The following NREP variants were observed in gnomAD, a reference collection of about 807,000 sequenced individuals.
The protein encoded by NREP is neuronal regeneration-related protein.
In NREP, 5 loss-of-function variants were observed where a neutral mutation model predicts 8.6. The observed-to-expected ratio is 0.58, with a 90% CI of 0.30 to 1.22. NREP has a LOEUF of 1.22. Ranked by LOEUF, NREP falls within the 50% of genes most tolerant of loss-of-function variation. The probability of loss-of-function intolerance (pLI) is 0.07; values close to 1 mark genes in which losing one functional copy is unlikely to be tolerated. For missense variants in NREP, 86 were observed against 82.5 expected, an observed-to-expected ratio of 1.04 and a Z score of -0.17; for synonymous variants, 27 against 28.0, an observed-to-expected ratio of 0.96 and a Z score of 0.11.
At chr5:111,919,952 G>A (rs1418091846) in intron 2 of NREP, among the ~76,000 whole-genome samples, 1 of 131,700 alleles carries the variant, frequency 7.6e-6, no homozygotes, top group Non-Finnish European at 1.6e-5. Flanking sequence ...TAAAAGAACT[G>A]AATTAATTAA....
At chr5:111,843,278 T>A (rs552051352) in intron 2 of NREP, among the ~76,000 whole-genome samples, 1 of 151,982 alleles carries the variant, frequency 6.6e-6, no homozygotes, top group Non-Finnish European at 1.5e-5. Context: ...TTAAATGTCC[T>A]TTCTTCAAGC....
chr5:111,844,806 A>G lies in NREP; in HGVS notation c.136-109299T>C, dbSNP rs73789549. Among the ~76,000 whole-genome samples, 1,483 of 150,750 alleles carry G rather than the reference A, an allele frequency of 9.8e-3. 9 individuals are homozygous for G. Among genetic ancestry groups the G allele is most frequent in the Middle Eastern group, 0.046 (13 of 280 alleles). On this transcript the variant is annotated intron_variant, in intron 2 of 3. Transcript: ENST00000395634. The stretch of plus-strand genomic sequence containing the variant: ...ATGTTTCTGGAGATAAAATACCCCA[A>G]TAATTCCTAACAAGGGCTATGTGCA...
intron 2 of NREP, among the ~76,000 whole-genome samples, chr5:111,895,758 C>T (rs1235420835): frequency 1.3e-5 from 2 of 152,126 alleles, no homozygotes; most frequent in Non-Finnish European, 2.9e-5. Context: ...GCCAGTAGCA[C>T]GTCCCAGTCA....
chr5:111,883,625 C>T (rs1754148514), intron 2 of NREP, among the ~76,000 whole-genome samples: 1 of 152,198 alleles, frequency 6.6e-6, no homozygotes, highest in African/African-American at 2.4e-5. Flanking sequence ...CAAACTGTCT[C>T]TCAGACCACA....
chr5:111,829,324 G>A (rs1225401073), intron 2 of NREP, among the ~76,000 whole-genome samples: 1 of 152,182 alleles, frequency 6.6e-6, no homozygotes, highest in East Asian at 1.9e-4. Context: ...AACTCTGGCA[G>A]CCACATGGAG....
chr5:111,841,993 A>T (rs1351705338), intron 2 of NREP, among the ~76,000 whole-genome samples: 1 of 152,034 alleles, frequency 6.6e-6, no homozygotes, highest in Non-Finnish European at 1.5e-5. Context: ...CTCTGGTGTG[A>T]TTGTATTTTT....
At chr5:111,959,118 G>A (rs1581251936) in intron 2 of NREP, among the ~76,000 whole-genome samples, 1 of 151,854 alleles carries the variant, frequency 6.6e-6, no homozygotes, top group Admixed American at 6.6e-5. Flanking sequence ...CATGAGTTAG[G>A]GTGGGAAAGG....
chr5:111,755,980 AAG>A lies in NREP; in HGVS notation c.-58-152_-58-151del. On this transcript the variant is annotated intron_variant, in intron 1 of 3. Coordinates refer to ENST00000257435, the MANE Select transcript of NREP (RefSeq NM_004772.4). ...TATTGTTAACTACTGGGATTTCTGA[AAG>A]AGCTTTCCAAGTGGCCTATAGGCTT... 3.5e-6 allele frequency: 5 copies of A among 1,430,390 alleles called. No individual in the cohort carries two copies. The South Asian group carries it at 7.4e-5, about 21-fold the overall frequency. 88.6% of individuals were successfully genotyped at this position (1,430,390 alleles called of 1,614,324 possible).
At chr5:111,748,288 G>GA (rs35566814) in intron 2 of NREP, among the ~76,000 whole-genome samples, 20 of 152,202 alleles carry the variant, frequency 1.3e-4, no homozygotes, top group Non-Finnish European at 1.3e-4. Context: ...AATGTTCACT[G>GA]AAAGCCTCTT....
chr5:111,756,230 G>A, intron 1 of NREP: 2 of 989,896 alleles, frequency 2.0e-6, no homozygotes, highest in Non-Finnish European at 1.2e-6. Context: ...GCCTTCCACC[G>A]TGTAGTGTAA....
chr5:111,879,827 A>G (rs1561706826), intron 2 of NREP, among the ~76,000 whole-genome samples: 1 of 152,040 alleles, frequency 6.6e-6, no homozygotes, highest in Admixed American at 6.6e-5. Flanking sequence ...GAGAGAAAGA[A>G]AGAGAGAGAG....
At chr5:111,775,602 G>C (rs894230495) in intron 2 of NREP, among the ~76,000 whole-genome samples, 5 of 152,230 alleles carry the variant, frequency 3.3e-5, no homozygotes, top group African/African-American at 9.6e-5. Context: ...TAATAATCCA[G>C]AGAGTATATT....
intron 2 of NREP, among the ~76,000 whole-genome samples, chr5:111,752,029 C>T (rs1750393346): frequency 6.6e-6 from 1 of 152,064 alleles, no homozygotes; most frequent in Non-Finnish European, 1.5e-5. Context: ...TCATTAATGG[C>T]CAAGTATAAA....
At chr5:111,907,103 G>A (rs1039317457) in intron 2 of NREP, among the ~76,000 whole-genome samples, 1 of 151,900 alleles carries the variant, frequency 6.6e-6, no homozygotes, top group Admixed American at 6.6e-5. Flanking sequence ...TTCCTTCTCA[G>A]AAAAGTCTTA....
At chr5:111,964,887 A>T (rs1377258455) in intron 2 of NREP, among the ~76,000 whole-genome samples, 37 of 143,006 alleles carry the variant, frequency 2.6e-4, no homozygotes, top group Middle Eastern at 3.5e-3. Context: ...AAAAAAAAAA[A>T]AAAAAAAAGA....
intron 3 of NREP, chr5:111,734,986 C>T (rs1312711793): frequency 2.6e-6 from 1 of 389,784 alleles, no homozygotes; most frequent in Admixed American, 4.2e-5. Flanking sequence ...GGTTTTTAGG[C>T]TCAAAAATTA....
intron 2 of NREP, among the ~76,000 whole-genome samples, chr5:111,916,264 A>G (rs975112983): frequency 6.6e-6 from 1 of 151,994 alleles, no homozygotes; most frequent in Non-Finnish European, 1.5e-5. Context: ...GAGAGAGAAC[A>G]AGGTAGAGAG....
chr5:111,844,063 GCA>G (rs1753097671), intron 2 of NREP, among the ~76,000 whole-genome samples: 1 of 152,012 alleles, frequency 6.6e-6, no homozygotes, highest in Non-Finnish European at 1.5e-5. Context: ...GGTATATCAG[GCA>G]AATATGAAAA....
intron 2 of NREP, among the ~76,000 whole-genome samples, chr5:111,736,272 T>C (rs756518579): frequency 6.6e-5 from 10 of 152,186 alleles, no homozygotes; most frequent in African/African-American, 1.2e-4. Context: ...AGCATAAGAA[T>C]TGTCAAATTA....
Sources: allele counts gnomAD v4.1 joint callset (sites outside exome capture counted in the v4.1 genomes callset), GRCh38; gene constraint gnomAD v4.1.1; transcripts MANE v1.5; gene names NCBI Gene and HGNC (gene_info 2026-07-23, HGNC 2026-07-21).